MARF1: variants seen among roughly 807,000 people sequenced by gnomAD.
MARF1 encodes limkain-b1.
In MARF1, 24 loss-of-function variants were observed where a neutral mutation model predicts 168.2. The observed-to-expected ratio is 0.14, with a 90% CI of 0.10 to 0.20. MARF1 has a LOEUF of 0.20. MARF1 is among the 10% of genes least tolerant of loss of function. MARF1 has a pLI of 1.00. For synonymous variants in MARF1, 868 were observed against 822.4 expected (o/e 1.06, Z -0.95); for missense variants, 1,744 against 2,143.6 (o/e 0.81, Z 3.68).
rs201602388 is a variant in MARF1, at chr16:15,604,201, G to C, written c.4380C>G (p.Thr1460=). 5.6e-6 allele frequency: 9 copies of C among 1,614,098 alleles called. No homozygotes were observed. Among genetic ancestry groups the C allele is most frequent in the Non-Finnish European group, 7.6e-6 (9 of 1,179,982 alleles). ...NPCEYGFMTL[T]ELLKSLPYLV... Reference sequence around the variant, plus strand: ...AGTATGGCAGGCTCTTCAGCAGTTCGGTCAAGGTCATGAATCCATATTCAC... The same window carrying C: ...AGTATGGCAGGCTCTTCAGCAGTTCCGTCAAGGTCATGAATCCATATTCAC... Residue 1460 remains threonine (T), a synonymous_variant, in exon 22 of 27, where the codon ACC becomes ACG. Transcript: ENST00000396368.
intron 23 of MARF1, chr16:15,601,066 G>C: frequency 1.9e-6 from 1 of 518,448 alleles, no homozygotes; most frequent in South Asian, 1.5e-5. Context: ...AAAGAATTAA[G>C]AGCAATCTCT....
chr16:15,634,040 T>G (rs1031946855), intron 4 of MARF1, among the ~76,000 whole-genome samples, 197 bp from the exon 5 acceptor site: 1 of 152,178 alleles, frequency 6.6e-6, no homozygotes, highest in Non-Finnish European at 1.5e-5. Flanking sequence ...AAGAGATTAT[T>G]TCTGTTTTTC....
intron 22 of MARF1, among the ~76,000 whole-genome samples, chr16:15,603,571 A>G (rs551976452): frequency 1.4e-3 from 212 of 152,230 alleles, no homozygotes; most frequent in Middle Eastern, 3.4e-3. Context: ...TTTCACTGGT[A>G]TATTTCAGTG....
At chr16:15,627,448 CT>C (rs1319754301) in intron 7 of MARF1, among the ~76,000 whole-genome samples, 1 of 151,896 alleles carries the variant, frequency 6.6e-6, no homozygotes, top group African/African-American at 2.4e-5. Flanking sequence ...GTGAAACCCC[CT>C]CTCTACTAAA....
At chr16:15,613,999 C>T (rs745443232) in intron 16 of MARF1, among the ~76,000 whole-genome samples, 13 of 152,150 alleles carry the variant, frequency 8.5e-5, no homozygotes, top group Non-Finnish European at 1.8e-4. Flanking sequence ...GGGCAGCAGC[C>T]TTGGATATCT....
Position 15,615,946 on chromosome 16 carries a change from CCTT to C in MARF1, c.3134_3136del (p.Gln1045_Gly1046delinsArg). ...AATGAAGTGTTCTAAGGGAACACCT[CCTT>C]GGTTTTCTTGCACTACTTCTAGATC... On this transcript the variant is annotated inframe_deletion, in exon 16 of 27. Coordinates refer to ENST00000396368, the MANE Select transcript of MARF1 (RefSeq NM_014647.4). The C allele has an allele frequency of 6.3e-7, 1 of 1,579,142 alleles. No homozygotes were observed.
intron 7 of MARF1, among the ~76,000 whole-genome samples, chr16:15,629,419 G>A (rs555786473): frequency 8.5e-5 from 13 of 152,234 alleles, no homozygotes; most frequent in African/African-American, 3.1e-4. Flanking sequence ...GCAAGTGCCG[G>A]AATCAGGATA....
rs767949836 is a variant in MARF1 at position 15,624,820 on chromosome 16, A to G, written c.2219T>C (p.Val740Ala). 29 of 1,614,108 alleles carry G rather than the reference A, an allele frequency of 1.8e-5. No individual in the cohort carries two copies. Among genetic ancestry groups the G allele is most frequent in the Non-Finnish European group, 2.5e-5 (29 of 1,180,040 alleles). The change falls in exon 10 of 27, where the codon GTT becomes GCT. Residue 740 changes from valine to alanine, a missense_variant. Coordinates refer to ENST00000396368, the MANE Select transcript of MARF1 (RefSeq NM_014647.4). The stretch of plus-strand genomic sequence containing the variant: ...CAGAGGACTGACTTGCCTGGATGCA[A>G]CTAACTTGCTAAAAGCAGACGGGTA... Reference protein sequence around the residue: ...VSYPSAFSKLVASRQVSPLLA... With the variant: ...VSYPSAFSKLAASRQVSPLLA...
chr16:15,601,503 T>G, intron 23 of MARF1: 1 of 228,342 alleles, frequency 4.4e-6, no homozygotes, highest in Non-Finnish European at 8.8e-6. Context: ...AGCTCCCTCT[T>G]AGCCTCTCGA....
chr16:15,598,705 G>T, intron 26 of MARF1, 149 bp downstream of exon 26: 2 of 807,624 alleles, frequency 2.5e-6, no homozygotes, highest in African/African-American at 1.7e-5. Context: ...GAACCCAGGT[G>T]GGGAAAGAAG....
chr16:15,600,734 G>A (rs372162613), intron 23 of MARF1, 33 bp from the exon 24 acceptor site: 95 of 1,607,882 alleles, frequency 5.9e-5, no homozygotes, highest in Middle Eastern at 1.6e-4. Context: ...GTTAAGCAGC[G>A]GAAAAGGAGG....
Position 15,612,601 on chromosome 16 carries a change from A to G in MARF1, c.3430T>C (p.Ser1144Pro). The G allele has an allele frequency of 6.2e-7, 1 of 1,614,158 alleles. No individual in the cohort carries two copies. The highest frequency in any genetic ancestry group is 8.5e-7 in the Non-Finnish European group (1 of 1,180,008). ...GCTTCTAATAACTCAATCAGCTTGG[A>G]GTATCCGTAGTCTGACACTCGGCAC... ...KQCRVSDYGY[S>P]KLIELLEAVP... The change falls in exon 17 of 27, where the codon TCC becomes CCC. Residue 1144 changes from serine (S) to proline (P), a missense_variant. Transcript: ENST00000396368.
rs74009195 is a variant in MARF1 at position 15,617,291 on chromosome 16, C to T, written c.2957+8G>A. The T allele has an allele frequency of 0.012, 19,668 of 1,611,346 alleles. 1,869 individuals carry two copies. The African/African-American group carries it at 0.22, about 18-fold the overall frequency. On this transcript the variant is annotated splice_region_variant and intron_variant, in intron 14 of 26. Transcript: ENST00000396368. ...AGAATTACTTCTAAAGGAAAACGAA[C>T]GGCACACCTGAAATCCTTATTGGAA...
At chr16:15,601,903 T>C (rs2032474933) in intron 23 of MARF1, 88 bp downstream of exon 23, 10 of 1,079,540 alleles carry the variant, frequency 9.3e-6, no homozygotes, top group Middle Eastern at 5.5e-4. Flanking sequence ...CGTTCCATTA[T>C]TCTGGCAGCA....
At chr16:15,602,652 G>A (rs369507315) in intron 22 of MARF1, 1 of 78,776 alleles carries the variant, frequency 1.3e-5, no homozygotes, top group Non-Finnish European at 2.5e-5. Flanking sequence ...GAAAGAAAAG[G>A]AGGAGGGATA....
chr16:15,612,984 C>T (rs2033704534), intron 16 of MARF1, among the ~76,000 whole-genome samples: 1 of 152,192 alleles, frequency 6.6e-6, no homozygotes, highest in South Asian at 2.1e-4. Flanking sequence ...CTGTCAAATG[C>T]TGTCCCACTA....
intron 16 of MARF1, among the ~76,000 whole-genome samples, chr16:15,615,591 C>CT (rs1420754486): frequency 2.6e-5 from 4 of 152,128 alleles, no homozygotes; most frequent in African/African-American, 9.7e-5. Flanking sequence ...CACCACTGCA[C>CT]TCCAGCTAGG....
Position 15,635,729 on chromosome 16 carries a change from T to C in MARF1, c.758A>G (p.Asn253Ser), listed in dbSNP as rs761319649. 7 of 1,613,780 alleles carry C rather than the reference T, an allele frequency of 4.3e-6. No homozygotes were observed. In the African/African-American group the frequency reaches 6.7e-5, roughly 15 times the overall value. ...AGGTACCACATTAAGGTGCAAAGAG[T>C]TGGTGCACAAGTGAGGCGTTAGCTC... The part of the protein sequence containing the change: ...QSELTPHLCT[N>S]SLHLNVVPPV... The change falls in exon 3 of 27, where the codon AAC becomes AGC. Residue 253 changes from asparagine (N) to serine (S), a missense_variant. Transcript: ENST00000396368.
chr16:15,609,492 T>C (rs781075064), intron 20 of MARF1, 31 bp downstream of exon 20: 4 of 1,568,370 alleles, frequency 2.6e-6, no homozygotes, highest in Non-Finnish European at 2.6e-6. Flanking sequence ...TTCAGAAAAA[T>C]ACTTTATAAA....
Sources: allele counts gnomAD v4.1 joint callset (sites outside exome capture counted in the v4.1 genomes callset), GRCh38; gene constraint gnomAD v4.1.1; transcripts MANE v1.5; gene names NCBI Gene and HGNC (gene_info 2026-07-23, HGNC 2026-07-21).